The following ATP2C1 variants were observed in gnomAD, a reference collection of about 807,000 sequenced individuals.
The protein encoded by ATP2C1 is ATPase secretory pathway Ca2+ transporting 1.
A neutral mutation model predicts 120.5 loss-of-function variants in ATP2C1; 31 were observed. That is an observed-to-expected ratio of 0.26 (90% CI 0.19 to 0.35). ATP2C1 has a LOEUF of 0.35. Ranked by LOEUF, ATP2C1 falls within the 10% of genes least tolerant of loss-of-function variation. The pLI, the probability that ATP2C1 is intolerant of heterozygous loss-of-function variation, is 1.00. For synonymous variants in ATP2C1, 351 were observed against 358.7 expected (o/e 0.98, Z 0.24); for missense variants, 731 against 1,107.5 (o/e 0.66, Z 4.83).
At chr3:130,976,354 T>C (rs2061528146) in intron 18 of ATP2C1, among the ~76,000 whole-genome samples, 1 of 152,126 alleles carries the variant, frequency 6.6e-6, no homozygotes, top group African/African-American at 2.4e-5. Flanking sequence ...AGAACATTGC[T>C]CCCAGCCTGC....
chr3:130,891,218 T>C (rs1190502780), upstream of ATP2C1, among the ~76,000 whole-genome samples: 1 of 152,232 alleles, frequency 6.6e-6, no homozygotes, highest in African/African-American at 2.4e-5. Context: ...CATTAATTAA[T>C]TGAGGAAAGA....
chr3:130,955,193 T>C (rs956496805), intron 10 of ATP2C1, 113 bp downstream of exon 10: 4 of 769,594 alleles, frequency 5.2e-6, no homozygotes, highest in Non-Finnish European at 9.0e-6. Context: ...TTATTCAGAA[T>C]GGAAATCAGT....
At chr3:131,000,835 C>T (rs2062847710) in intron 27 of ATP2C1, among the ~76,000 whole-genome samples, 1 of 152,096 alleles carries the variant, frequency 6.6e-6, no homozygotes, top group African/African-American at 2.4e-5. Flanking sequence ...AGGCGCCATG[C>T]CTCACGCCAG....
intron 4 of ATP2C1, among the ~76,000 whole-genome samples, 191 bp downstream of exon 4, chr3:130,932,329 T>TA (rs1462221667): frequency 1.3e-5 from 2 of 152,118 alleles, no homozygotes; most frequent in Non-Finnish European, 2.9e-5. Flanking sequence ...ATGTAAATCT[T>TA]AAAGACAACA....
At chr3:131,004,827 C>G (rs1010266306), downstream of ATP2C1, among the ~76,000 whole-genome samples, 1 of 151,738 alleles carries the variant, frequency 6.6e-6, no homozygotes, top group Admixed American at 6.6e-5. Flanking sequence ...ATGAGTTTGA[C>G]ACTGTTAAGG....
intron 2 of ATP2C1, 119 bp from the exon 3 acceptor site, chr3:130,930,297 C>A (rs766241663): frequency 2.1e-5 from 15 of 727,238 alleles, no homozygotes; most frequent in Non-Finnish European, 3.0e-5. Flanking sequence ...CGTAATTAGT[C>A]TGAAATATTT....
At chr3:130,865,095 CA>C (rs1248700537) in intron 1 of ATP2C1, among the ~76,000 whole-genome samples, 2 of 152,204 alleles carry the variant, frequency 1.3e-5, no homozygotes, top group Admixed American at 6.5e-5. Flanking sequence ...TGCAAAGCCA[CA>C]GGGGTGGAGC....
Position 130,923,686 on chromosome 3 carries a change from G to A in ATP2C1, c.7-6730G>A, listed in dbSNP as rs138379866. On this transcript the variant is annotated intron_variant, in intron 2 of 27. Coordinates refer to ENST00000510168, the MANE Select transcript of ATP2C1 (RefSeq NM_001378687.1). ...AGTTCAAGACTAGCCTTGCAAACAT[G>A]GTGAAACCATGTCTCTACTAAAATA... Among the ~76,000 whole-genome samples the A allele has an allele frequency of 4.6e-3, 695 of 151,516 alleles. 5 individuals carry two copies. Among genetic ancestry groups the A allele is most frequent in the African/African-American group, 0.015 (630 of 41,300 alleles).
At chr3:130,871,796 G>C (rs2068440414) in intron 1 of ATP2C1, among the ~76,000 whole-genome samples, 1 of 152,150 alleles carries the variant, frequency 6.6e-6, no homozygotes, top group Admixed American at 6.5e-5. Flanking sequence ...AGAGGCCGGC[G>C]GATCAGCTGA....
At chr3:130,940,527 T>G in intron 6 of ATP2C1, 103 bp from the exon 7 acceptor site, 3 of 798,910 alleles carry the variant, frequency 3.8e-6, no homozygotes, top group Non-Finnish European at 6.4e-6. Context: ...AAGGAAAAGA[T>G]GAGAATTGGG....
intron 1 of ATP2C1, among the ~76,000 whole-genome samples, chr3:130,867,296 G>GTCCCTC (rs59581010): frequency 0.15 from 19,690 of 131,798 alleles, 1,541 homozygotes; most frequent in East Asian, 0.19. Context: ...AGAAATGATT[G>GTCCCTC]TCCCTCTCCC....
intron 14 of ATP2C1, among the ~76,000 whole-genome samples, chr3:130,965,537 C>T (rs1238265259): frequency 6.6e-6 from 1 of 152,050 alleles, no homozygotes; most frequent in East Asian, 1.9e-4. Context: ...TGAACTGTGG[C>T]GTCTCAAAGC....
intron 2 of ATP2C1, among the ~76,000 whole-genome samples, chr3:130,925,860 G>A (rs538214997): frequency 6.6e-6 from 1 of 152,274 alleles, no homozygotes; most frequent in South Asian, 2.1e-4. Context: ...CAGGGGGATT[G>A]TGGCTGCCTC....
intron 26 of ATP2C1, among the ~76,000 whole-genome samples, chr3:131,008,318 T>C (rs1317215896): frequency 1.3e-5 from 2 of 151,670 alleles, no homozygotes; most frequent in South Asian, 2.1e-4. Flanking sequence ...TCCCAGCTTC[T>C]TGGGAGGCTG....
upstream of ATP2C1, among the ~76,000 whole-genome samples, chr3:130,892,026 A>G (rs1576605250): frequency 3.9e-5 from 6 of 152,194 alleles, no homozygotes; most frequent in South Asian, 1.2e-3. Context: ...AATGATTTTC[A>G]TAATTTAGGG....
At chr3:131,004,244 CTG>C (rs2063013793), downstream of ATP2C1, among the ~76,000 whole-genome samples, 1 of 152,234 alleles carries the variant, frequency 6.6e-6, no homozygotes, top group Non-Finnish European at 1.5e-5. Context: ...CTTTTTAAGA[CTG>C]AGCTCCTGCA....
At chr3:130,951,624 T>G (rs1414707764) in intron 8 of ATP2C1, among the ~76,000 whole-genome samples, 1 of 152,162 alleles carries the variant, frequency 6.6e-6, no homozygotes, top group Non-Finnish European at 1.5e-5. Context: ...ATAAATATGT[T>G]TCTTTAATAA....
At chr3:130,971,012 A>G (rs925040224) in intron 17 of ATP2C1, among the ~76,000 whole-genome samples, 11 of 152,216 alleles carry the variant, frequency 7.2e-5, no homozygotes, top group African/African-American at 2.2e-4. Flanking sequence ...TAAAACTATG[A>G]AAATACAATA....
intron 2 of ATP2C1, among the ~76,000 whole-genome samples, chr3:130,906,835 C>G (rs1233988360): frequency 6.6e-6 from 1 of 151,890 alleles, no homozygotes; most frequent in African/African-American, 2.4e-5. Flanking sequence ...ACAGCATATG[C>G]AAAAATCATT....
Sources: allele counts gnomAD v4.1 joint callset (sites outside exome capture counted in the v4.1 genomes callset), GRCh38; gene constraint gnomAD v4.1.1; transcripts MANE v1.5; gene names NCBI Gene and HGNC (gene_info 2026-07-23, HGNC 2026-07-21).